Variants in RBFOX1 observed in about 807,000 individuals in gnomAD.
The protein encoded by RBFOX1 is RNA binding protein fox-1 homolog 1.
A neutral mutation model predicts 57.7 loss-of-function variants in RBFOX1; 8 were observed. That is an observed-to-expected ratio of 0.14 (90% CI 0.08 to 0.25). The LOEUF (loss-of-function observed/expected upper bound fraction) is 0.25, where lower values mean the gene tolerates loss of function less well. Among genes scored for constraint, RBFOX1 ranks in the 10% least tolerant of loss-of-function variants. The probability of loss-of-function intolerance (pLI) is 1.00; values close to 1 mark genes in which losing one functional copy is unlikely to be tolerated. For missense variants in RBFOX1, 611 were observed against 548.5 expected, an observed-to-expected ratio of 1.11 and a Z score of -1.14; for synonymous variants, 326 against 222.4, an observed-to-expected ratio of 1.47 and a Z score of -4.15.
chr16:7,121,134 A>G (rs1356772220), intron 4 of RBFOX1, among the ~76,000 whole-genome samples: 1 of 152,090 alleles, frequency 6.6e-6, no homozygotes, highest in Non-Finnish European at 1.5e-5. Context: ...GAGGATGTCA[A>G]CAAACAACCC....
At chr16:5,728,225 C>T (rs79882679) in intron 3 of RBFOX1, among the ~76,000 whole-genome samples, 2,515 of 152,264 alleles carry the variant, frequency 0.017, 82 homozygotes, top group African/African-American at 0.057. Context: ...TGACAGAGAA[C>T]GAATACAGAA....
At chr16:6,378,005 A>G (rs2091388092) in intron 2 of RBFOX1, among the ~76,000 whole-genome samples, 1 of 152,106 alleles carries the variant, frequency 6.6e-6, no homozygotes, top group Non-Finnish European at 1.5e-5. Flanking sequence ...AATCCAAACG[A>G]GGTGATCTAG....
At chr16:7,135,798 C>T (rs976173032) in intron 4 of RBFOX1, among the ~76,000 whole-genome samples, 13 of 152,356 alleles carry the variant, frequency 8.5e-5, no homozygotes, top group African/African-American at 3.1e-4. Flanking sequence ...CTGAAGGCCT[C>T]ATTCCACTTA....
chr16:5,990,323 C>T (rs547186938), intron 4 of RBFOX1, among the ~76,000 whole-genome samples: 11 of 152,074 alleles, frequency 7.2e-5, no homozygotes, highest in South Asian at 2.1e-4. Flanking sequence ...TTCCACTGGC[C>T]GTAATGGAAA....
Position 5,892,135 on chromosome 16 carries a change from G to T in RBFOX1, c.351+24800G>T, listed in dbSNP as rs576621573. Among the ~76,000 whole-genome samples, 4 of 152,336 alleles carry T rather than the reference G, an allele frequency of 2.6e-5. No homozygotes were observed. The South Asian group carries it at 6.2e-4, about 24-fold the overall frequency. ...AGCAGGATGGATTACACAGGATGTT[G>T]AAAGTTAATGCATGGAACGGTGCAG... On this transcript the variant is annotated intron_variant, in intron 4 of 19. Transcript: ENST00000641259.
chr16:6,189,082 C>G (rs2097125890), intron 1 of RBFOX1, among the ~76,000 whole-genome samples: 1 of 152,196 alleles, frequency 6.6e-6, no homozygotes, highest in Admixed American at 6.5e-5. Context: ...TTCAGATGAC[C>G]TCTGAAAATT....
At position 7,578,038 on chromosome 16, in the gene RBFOX1, A is replaced by G. The variant is rs1467663240; in HGVS notation, c.271-1739A>G. On this transcript the variant is annotated intron_variant, in intron 5 of 15. Coordinates refer to ENST00000550418, the MANE Select transcript of RBFOX1 (RefSeq NM_018723.4). ...AACACAAAGCAGTTGCTCAGTAAAG[A>G]TGTGTAAACACTTTAAAAATAAGCA... 7.9e-5 allele frequency among the ~76,000 whole-genome samples: 12 copies of G among 152,388 alleles called. No individual in the cohort carries two copies. The East Asian group carries it at 2.3e-3, about 29-fold the overall frequency.
At chr16:6,554,748 A>G (rs2153888204) in intron 2 of RBFOX1, among the ~76,000 whole-genome samples, 1 of 148,616 alleles carries the variant, frequency 6.7e-6, no homozygotes, top group East Asian at 2.0e-4. Flanking sequence ...ACACACACAC[A>G]CACACACACA....
At chr16:6,781,758 C>A (rs1171167932) in intron 3 of RBFOX1, among the ~76,000 whole-genome samples, 1 of 152,030 alleles carries the variant, frequency 6.6e-6, no homozygotes, top group Non-Finnish European at 1.5e-5. Flanking sequence ...TCTGTGGTAT[C>A]TGTTTTAATA....
chr16:7,433,012 G>T (rs1286187286), intron 4 of RBFOX1, among the ~76,000 whole-genome samples: 1 of 152,140 alleles, frequency 6.6e-6, no homozygotes, highest in Non-Finnish European at 1.5e-5. Context: ...TTTATATCTT[G>T]TAGCCCCCAG....
intron 1 of RBFOX1, among the ~76,000 whole-genome samples, chr16:6,234,379 C>T (rs1320883251): frequency 6.6e-6 from 1 of 152,132 alleles, no homozygotes; most frequent in African/African-American, 2.4e-5. Context: ...TTATTATCTT[C>T]CTTCCAAAAC....
chr16:6,865,423 A>G (rs537723953), intron 3 of RBFOX1, among the ~76,000 whole-genome samples: 10 of 152,190 alleles, frequency 6.6e-5, no homozygotes, highest in Non-Finnish European at 1.0e-4. Context: ...ACCAGTGTTT[A>G]TCATTAGTGT....
intron 1 of RBFOX1, among the ~76,000 whole-genome samples, chr16:5,427,930 A>G (rs2067612177): frequency 6.6e-6 from 1 of 152,184 alleles, no homozygotes; most frequent in Admixed American, 6.5e-5. Context: ...ACAATTAACC[A>G]TCACAGGTAG....
intron 10 of RBFOX1, among the ~76,000 whole-genome samples, chr16:7,627,692 C>A (rs928181400): frequency 6.6e-6 from 1 of 152,106 alleles, no homozygotes; most frequent in Non-Finnish European, 1.5e-5. Context: ...AACACACTTA[C>A]CTTTCCCTGC....
intron 2 of RBFOX1, among the ~76,000 whole-genome samples, chr16:5,526,970 T>G (rs1276818460): frequency 6.6e-6 from 1 of 152,188 alleles, no homozygotes; most frequent in Non-Finnish European, 1.5e-5. Flanking sequence ...CAATGGTCCT[T>G]CCCGGGATTT....
At chr16:6,142,043 C>G (rs1238593787) in intron 1 of RBFOX1, among the ~76,000 whole-genome samples, 1 of 122,216 alleles carries the variant, frequency 8.2e-6, no homozygotes, top group African/African-American at 2.9e-5. Context: ...TGGGTGAGCT[C>G]AAAAGAAAAA....
At chr16:5,682,299 G>A (rs2050365897) in intron 3 of RBFOX1, among the ~76,000 whole-genome samples, 1 of 152,222 alleles carries the variant, frequency 6.6e-6, no homozygotes, top group Non-Finnish European at 1.5e-5. Flanking sequence ...GTGGTGGGGT[G>A]GGAGTGGGTC....
intron 1 of RBFOX1, among the ~76,000 whole-genome samples, chr16:5,354,738 C>A (rs544343462): frequency 1.1e-4 from 17 of 152,164 alleles, no homozygotes; most frequent in Admixed American, 9.2e-4. Flanking sequence ...CAAACGTTCA[C>A]GCAGCATTAT....
intron 3 of RBFOX1, among the ~76,000 whole-genome samples, chr16:6,905,607 A>G (rs1384356258): frequency 6.6e-6 from 1 of 151,854 alleles, no homozygotes; most frequent in Non-Finnish European, 1.5e-5. Flanking sequence ...TCTAGCTAGT[A>G]GGTTGGACTT....
Sources: gnomAD v4.1 joint callset for allele counts (sites outside exome capture counted in the v4.1 genomes callset) on GRCh38, gnomAD v4.1.1 for gene constraint, MANE v1.5 for transcripts, NCBI Gene and HGNC (gene_info 2026-07-23, HGNC 2026-07-21) for gene names.